Variants in BLTP2 observed in about 807,000 individuals in gnomAD.
BLTP2 encodes bridge-like lipid transfer protein family member 2, also known as U937-associated antigen.
At chr17:28,636,601 T>C in the BLTP2 span, among the ~76,000 whole-genome samples, 1 of 152,228 alleles carries the variant, frequency 6.6e-6, no homozygotes, top group African/African-American at 2.4e-5. Flanking sequence ...TTGGTAATTA[T>C]TGAATCTTGG....
At chr17:28,628,260 C>T in the BLTP2 span, 2 of 1,613,046 alleles carry the variant, frequency 1.2e-6, no homozygotes, top group Non-Finnish European at 1.7e-6. Context: ...TCTCCCCGAG[C>T]TTACCTCCTG....
At chr17:28,643,223 C>T in the BLTP2 span, 86 of 1,614,046 alleles carry the variant, frequency 5.3e-5, no homozygotes, top group Admixed American at 1.8e-4. Context: ...TCCACCCCAG[C>T]GCTCTGGGAG....
At chr17:28,636,308 T>C in the BLTP2 span, among the ~76,000 whole-genome samples, 3 of 152,200 alleles carry the variant, frequency 2.0e-5, no homozygotes, top group Admixed American at 6.5e-5. Context: ...GAGGGTCCCA[T>C]GTCCATTTGT....
the BLTP2 span, chr17:28,615,020 G>A: frequency 1.1e-5 from 17 of 1,563,690 alleles, no homozygotes; most frequent in South Asian, 2.4e-5. Context: ...CCTGGAGCCT[G>A]AGCCAGAGTC....
the BLTP2 span, chr17:28,638,707 T>C: frequency 1.1e-6 from 1 of 915,802 alleles, no homozygotes; most frequent in Non-Finnish European, 1.7e-6. Context: ...CATGGAACAG[T>C]TTCTGAAGCT....
the BLTP2 span, chr17:28,615,572 T>C: frequency 6.7e-7 from 1 of 1,499,542 alleles, no homozygotes; most frequent in Non-Finnish European, 9.1e-7. Flanking sequence ...CCCAAGGATA[T>C]TTATTCATGG....
At chr17:28,620,855 T>C in the BLTP2 span, 1 of 993,748 alleles carries the variant, frequency 1.0e-6, no homozygotes, top group Non-Finnish European at 1.5e-6. Flanking sequence ...TTACAAAAAG[T>C]AGAGCAAAGT....
chr17:28,639,228 C>T, the BLTP2 span: 2 of 1,357,894 alleles, frequency 1.5e-6, no homozygotes, highest in South Asian at 2.4e-5. Context: ...CAACCAAATA[C>T]ATATTTAACA....
chr17:28,629,605 G>A, the BLTP2 span, among the ~76,000 whole-genome samples: 2 of 152,022 alleles, frequency 1.3e-5, no homozygotes, highest in Admixed American at 1.3e-4. Context: ...AGCCTCCCGA[G>A]TAGCTCGGAT....
chr17:28,619,607 C>T, the BLTP2 span: 1 of 1,610,770 alleles, frequency 6.2e-7, no homozygotes, highest in African/African-American at 1.3e-5. Flanking sequence ...AGAGAACTGC[C>T]TCTAGCTGGG....
the BLTP2 span, chr17:28,631,540 G>A: frequency 6.2e-7 from 1 of 1,614,142 alleles, no homozygotes. Context: ...CAGCAGGTGG[G>A]TCTTTGTTAC....
At chr17:28,639,531 G>C in the BLTP2 span, 3 of 1,612,792 alleles carry the variant, frequency 1.9e-6, no homozygotes, top group Non-Finnish European at 2.5e-6. Context: ...AATGTAGCGG[G>C]AGAATAGAGA....
chr17:28,624,184 A>G, the BLTP2 span: 1 of 1,582,032 alleles, frequency 6.3e-7, no homozygotes, highest in African/African-American at 1.3e-5. Context: ...GGGGAACAAT[A>G]TGATCATGAT....
chr17:28,622,662 G>GTAAA, the BLTP2 span, among the ~76,000 whole-genome samples: 15 of 152,222 alleles, frequency 9.9e-5, no homozygotes, highest in Admixed American at 8.5e-4. Flanking sequence ...AAGTTACAGG[G>GTAAA]TAAAATATAA....
the BLTP2 span, chr17:28,621,276 A>G: frequency 6.9e-7 from 1 of 1,447,472 alleles, no homozygotes. Flanking sequence ...CTTTCAACCC[A>G]GCCTAGCACA....
chr17:28,617,378 C>G, the BLTP2 span: 1 of 1,282,950 alleles, frequency 7.8e-7, no homozygotes, highest in East Asian at 2.3e-5. Flanking sequence ...GTCTACTAGA[C>G]AATTGTTATG....
the BLTP2 span, chr17:28,633,260 G>T: frequency 6.2e-7 from 1 of 1,602,200 alleles, no homozygotes; most frequent in South Asian, 1.1e-5. Context: ...TCCCATGGAG[G>T]ACCCTCCCTT....
the BLTP2 span, chr17:28,635,473 G>A: frequency 1.2e-6 from 2 of 1,614,218 alleles, no homozygotes; most frequent in Non-Finnish European, 1.7e-6. Context: ...AGTCTCTAGT[G>A]CAAGGGATGG....
At chr17:28,616,303 C>A in the BLTP2 span, 2 of 1,607,662 alleles carry the variant, frequency 1.2e-6, no homozygotes, top group African/African-American at 2.7e-5. This position sits in a 1 kb window ranked among gnomAD's most constrained non-coding sequence, Gnocchi z 4.8. Flanking sequence ...TAGAGGAAAC[C>A]GAAGAAATCC....
Sources: gnomAD v4.1 joint callset for allele counts (sites outside exome capture counted in the v4.1 genomes callset) on GRCh38, gnomAD v4.1.1 for gene constraint, Gnocchi (gnomAD v3.1) non-coding constraint, MANE v1.5 for transcripts, NCBI Gene and HGNC (gene_info 2026-07-23, HGNC 2026-07-21) for gene names.